The following EXOC2 variants were observed in gnomAD, a reference collection of about 807,000 sequenced individuals.
EXOC2 encodes exocyst complex component 2.
A neutral mutation model predicts 131.8 loss-of-function variants in EXOC2; 70 were observed. The observed-to-expected ratio is 0.53, with a 90% CI of 0.44 to 0.65. EXOC2 has a LOEUF of 0.65. EXOC2 is among the 30% of genes least tolerant of loss of function. The pLI is 0.00. For missense variants in EXOC2, 923 were observed against 1,108.6 expected, an observed-to-expected ratio of 0.83 and a Z score of 2.38; for synonymous variants, 411 against 398.4, an observed-to-expected ratio of 1.03 and a Z score of -0.38.
chr6:685,213 A>C (rs1764591986), intron 1 of EXOC2, among the ~76,000 whole-genome samples: 1 of 152,064 alleles, frequency 6.6e-6, no homozygotes, highest in Non-Finnish European at 1.5e-5. Context: ...TGGCATCACC[A>C]GGGAACAAAT....
intron 4 of EXOC2, among the ~76,000 whole-genome samples, chr6:623,048 G>A (rs1026208607): frequency 2.0e-5 from 3 of 152,186 alleles, no homozygotes; most frequent in Admixed American, 6.5e-5. Flanking sequence ...GCAGGGATGG[G>A]TCTAGCCAGT....
intron 23 of EXOC2, among the ~76,000 whole-genome samples, chr6:528,526 GTT>G (rs1765882415): frequency 6.6e-6 from 1 of 152,148 alleles, no homozygotes; most frequent in Non-Finnish European, 1.5e-5. Flanking sequence ...ACTAAATAGA[GTT>G]TATAAAAGTG....
At chr6:602,360 G>A (rs1428037177) in intron 7 of EXOC2, among the ~76,000 whole-genome samples, 27 of 9,700 alleles carry the variant, frequency 2.8e-3, no homozygotes, top group Middle Eastern at 0.025. Context: ...AGAACACCCC[G>A]TGTGCGAATC....
At chr6:643,612 A>ATT (rs767589853) in intron 1 of EXOC2, among the ~76,000 whole-genome samples, 107,007 of 151,232 alleles carry the variant, frequency 0.71, 38,495 homozygotes, top group Middle Eastern at 0.89. Flanking sequence ...CACCTTTTAA[A>ATT]AAAAAAACTA....
chr6:504,654 A>G (rs988410134), intron 23 of EXOC2, among the ~76,000 whole-genome samples: 10 of 152,106 alleles, frequency 6.6e-5, no homozygotes, highest in African/African-American at 2.4e-4. Context: ...ACCTTCCACA[A>G]CTCAGCTTAT....
At chr6:581,334 G>A (rs1459241351) in intron 11 of EXOC2, among the ~76,000 whole-genome samples, 1 of 151,412 alleles carries the variant, frequency 6.6e-6, no homozygotes, top group African/African-American at 2.4e-5. Flanking sequence ...AACTGTATCA[G>A]AATTTTATAA....
intron 1 of EXOC2, among the ~76,000 whole-genome samples, chr6:647,335 G>A (rs553451784): frequency 1.3e-5 from 2 of 151,644 alleles, no homozygotes; most frequent in Non-Finnish European, 2.9e-5. Context: ...AAGATGATTA[G>A]TACAAACATC....
intron 24 of EXOC2, 110 bp from the exon 25 acceptor site, chr6:497,599 A>G: frequency 7.1e-7 from 1 of 1,417,622 alleles, no homozygotes; most frequent in Non-Finnish European, 9.3e-7. Context: ...AGGACTTCTA[A>G]GTCATTTTTA....
chr6:614,669 A>G (rs1415179984), intron 6 of EXOC2, among the ~76,000 whole-genome samples: 1 of 152,230 alleles, frequency 6.6e-6, no homozygotes, highest in Non-Finnish European at 1.5e-5. Context: ...CATGCTTTAC[A>G]TATGAAGAAA....
intron 13 of EXOC2, among the ~76,000 whole-genome samples, chr6:565,486 T>C (rs7762424): frequency 0.029 from 4,348 of 152,310 alleles, 163 homozygotes; most frequent in African/African-American, 0.084. Flanking sequence ...CCTTAATGTA[T>C]GGAAAACTAC....
At chr6:588,981 G>C (rs60024061) in intron 11 of EXOC2, among the ~76,000 whole-genome samples, 1 of 152,192 alleles carries the variant, frequency 6.6e-6, no homozygotes, top group Non-Finnish European at 1.5e-5. Context: ...TGACGAGATA[G>C]ATGAAATTTT....
intron 3 of EXOC2, among the ~76,000 whole-genome samples, chr6:631,127 C>T (rs1352508386): frequency 1.3e-5 from 2 of 152,228 alleles, no homozygotes; most frequent in Non-Finnish European, 2.9e-5. Context: ...GTCTGAATAC[C>T]AGGCAACCTG....
chr6:621,772 A>G (rs553207047), intron 4 of EXOC2, among the ~76,000 whole-genome samples: 1 of 152,342 alleles, frequency 6.6e-6, no homozygotes, highest in East Asian at 1.9e-4. Context: ...ACCGGTCAGC[A>G]GTCTCTGGGA....
intron 4 of EXOC2, among the ~76,000 whole-genome samples, chr6:622,023 G>C (rs1761317804): frequency 6.6e-6 from 1 of 152,224 alleles, no homozygotes; most frequent in Admixed American, 6.5e-5. Flanking sequence ...TCCTTCTGCA[G>C]TCCTGCTCTA....
intron 1 of EXOC2, chr6:656,725 C>A: frequency 6.3e-7 from 1 of 1,596,658 alleles, no homozygotes; most frequent in South Asian, 1.1e-5. Flanking sequence ...TCATCGAGAT[C>A]TTCCGAGACA....
chr6:598,828 G>C, intron 9 of EXOC2, 32 bp downstream of exon 9: 1 of 1,525,440 alleles, frequency 6.6e-7, no homozygotes, highest in Non-Finnish European at 9.0e-7. Context: ...AAAAGGAAAG[G>C]AGAAGATCTA....
chr6:676,885 TC>T (rs1764159433), intron 1 of EXOC2, among the ~76,000 whole-genome samples: 1 of 133,224 alleles, frequency 7.5e-6, no homozygotes, highest in African/African-American at 2.8e-5. Context: ...AAGGACAGGT[TC>T]CTCTGGAGAC....
intron 5 of EXOC2, among the ~76,000 whole-genome samples, chr6:618,088 T>A (rs1761103868): frequency 6.6e-6 from 1 of 152,168 alleles, no homozygotes; most frequent in Non-Finnish European, 1.5e-5. Flanking sequence ...CCAAATACAT[T>A]AGACCCCTAA....
rs140603530 is a variant in EXOC2, at chr6:688,678, A to G, written c.-44+4341T>C. 1.4e-4 allele frequency among the ~76,000 whole-genome samples: 22 copies of G among 152,168 alleles called. No homozygotes were observed. The East Asian group carries it at 3.1e-3, about 21-fold the overall frequency. On this transcript the variant is annotated intron_variant, in intron 1 of 27. Transcript: ENST00000230449. ...GTCGGATCCTCCTCCAGACAGCCCT[A>G]CTTTCTCCTTCTGTCCTTTCTGGTT...
Sources: allele counts gnomAD v4.1 joint callset (sites outside exome capture counted in the v4.1 genomes callset), GRCh38; gene constraint gnomAD v4.1.1; transcripts MANE v1.5; gene names NCBI Gene and HGNC (gene_info 2026-07-23, HGNC 2026-07-21).